Variants in SNX18 observed in about 807,000 individuals in gnomAD.
SNX18 encodes sorting nexin-18.
Under a neutral mutation model 48.7 loss-of-function variants are expected in SNX18, and 35 were observed. That is an observed-to-expected ratio of 0.72 (90% CI 0.55 to 0.95). The LOEUF is 0.95. Ranked by LOEUF, SNX18 falls within the 40% of genes least tolerant of loss-of-function variation. The pLI is 0.00. For missense variants in SNX18, 824 were observed against 871.0 expected, an observed-to-expected ratio of 0.95 and a Z score of 0.68; for synonymous variants, 492 against 384.7, an observed-to-expected ratio of 1.28 and a Z score of -3.26.
the SNX18 span, chr5:54,645,146 T>G: frequency 6.6e-6 from 1 of 152,248 alleles, no homozygotes; most frequent in Non-Finnish European, 1.5e-5. Flanking sequence ...TGAATTCTAT[T>G]TGCCGGTACT....
At chr5:54,521,519 G>A (rs1283555264) in intron 1 of SNX18, among the ~76,000 whole-genome samples, 2 of 152,054 alleles carry the variant, frequency 1.3e-5, no homozygotes, top group African/African-American at 4.8e-5. Context: ...GGGCAACATA[G>A]GGAGACTCCC....
chr5:54,546,789 C>T (rs1284324543), downstream of SNX18, among the ~76,000 whole-genome samples: 1 of 152,170 alleles, frequency 6.6e-6, no homozygotes, highest in African/African-American at 2.4e-5. Context: ...GTATCTGCTT[C>T]CATTAGTGAC....
intron 1 of SNX18, among the ~76,000 whole-genome samples, chr5:54,522,809 C>G (rs984498199): frequency 6.6e-6 from 1 of 152,186 alleles, no homozygotes; most frequent in African/African-American, 2.4e-5. Context: ...CCTGACTATA[C>G]TAAATACTGA....
chr5:54,611,724 T>C, the SNX18 span, among the ~76,000 whole-genome samples: 2 of 152,026 alleles, frequency 1.3e-5, no homozygotes, highest in Non-Finnish European at 2.9e-5. Flanking sequence ...CATAAGCCTT[T>C]ATCTGGTAAA....
At chr5:54,645,203 G>A in the SNX18 span, 1 of 152,166 alleles carries the variant, frequency 6.6e-6, no homozygotes, top group Non-Finnish European at 1.5e-5. Flanking sequence ...CAACTAAAAT[G>A]CCCTGAGTTA....
chr5:54,609,412 CT>C, the SNX18 span, among the ~76,000 whole-genome samples: 1 of 152,058 alleles, frequency 6.6e-6, no homozygotes, highest in Non-Finnish European at 1.5e-5. Flanking sequence ...CAAAACACAT[CT>C]TATCTCTCCT....
chr5:54,593,575 C>A, the SNX18 span, among the ~76,000 whole-genome samples: 11 of 152,112 alleles, frequency 7.2e-5, no homozygotes, highest in Non-Finnish European at 4.4e-5. Context: ...ATACAAAGAA[C>A]CTGGAAGAGC....
Position 54,534,201 on chromosome 5 carries a change from C to T in SNX18, c.1622-8978C>T, listed in dbSNP as rs113186143. ...ATCGAGTTAATGTTTTTGGCACATT[C>T]ATGATTTCAAAATTAAATAAGGTGC... On this transcript the variant is annotated intron_variant, in intron 1 of 1. Coordinates refer to ENST00000381410, the MANE Select transcript of SNX18 (RefSeq NM_001102575.2). Among the ~76,000 whole-genome samples, 17 of 151,210 alleles carry T rather than the reference C, an allele frequency of 1.1e-4. 1 individual carries two copies. Among genetic ancestry groups the T allele is most frequent in the African/African-American group, 3.9e-4 (16 of 41,276 alleles).
At chr5:54,574,741 A>G in the SNX18 span, among the ~76,000 whole-genome samples, 1 of 152,122 alleles carries the variant, frequency 6.6e-6, no homozygotes, top group African/African-American at 2.4e-5. Flanking sequence ...TTGGGCTGCC[A>G]TGTTTGGGGA....
chr5:54,540,355 A>G (rs1457371487), intron 1 of SNX18, among the ~76,000 whole-genome samples: 2 of 151,966 alleles, frequency 1.3e-5, no homozygotes, highest in African/African-American at 2.4e-5. Context: ...AGCTGAGACT[A>G]TAGAAATGCA....
At chr5:54,523,568 G>A (rs1391767806) in intron 1 of SNX18, among the ~76,000 whole-genome samples, 1 of 152,146 alleles carries the variant, frequency 6.6e-6, no homozygotes, top group Non-Finnish European at 1.5e-5. Context: ...GTCGATTTGG[G>A]CTGTGTGAAG....
chr5:54,547,400 T>C (rs1439332074), downstream of SNX18, among the ~76,000 whole-genome samples: 2 of 152,226 alleles, frequency 1.3e-5, no homozygotes, highest in Non-Finnish European at 2.9e-5. Context: ...GAGATTCAAA[T>C]TGGGATCTGG....
the SNX18 span, among the ~76,000 whole-genome samples, chr5:54,579,352 A>G: frequency 7.0e-4 from 103 of 146,194 alleles, no homozygotes; most frequent in South Asian, 6.6e-3. Context: ...AAAAAAAAAG[A>G]AAAAAAAGTA....
the SNX18 span, among the ~76,000 whole-genome samples, chr5:54,562,160 G>A: frequency 1.3e-5 from 2 of 152,108 alleles, no homozygotes; most frequent in African/African-American, 2.4e-5. Context: ...AGCTCTTTGC[G>A]GGCGGGCACA....
At chr5:54,592,061 G>A in the SNX18 span, among the ~76,000 whole-genome samples, 1 of 152,124 alleles carries the variant, frequency 6.6e-6, no homozygotes, top group Non-Finnish European at 1.5e-5. Flanking sequence ...TGGCTCTTAT[G>A]GTCTTTAACA....
At chr5:54,645,510 T>C in the SNX18 span, 1 of 152,240 alleles carries the variant, frequency 6.6e-6, no homozygotes, top group Non-Finnish European at 1.5e-5. Context: ...TTAAGAATTA[T>C]CTTGCTTCTT....
rs751209267 is a variant in SNX18 at position 54,518,936 on chromosome 5, G to C, written c.984G>C (p.Pro328=). The C allele has an allele frequency of 4.3e-6, 7 of 1,613,830 alleles. No homozygotes were observed. The highest frequency in any genetic ancestry group is 3.3e-5 in the Admixed American group (2 of 60,032). Residue 328 remains proline (P), a synonymous_variant, in exon 1 of 2, where the codon CCG becomes CCC. Transcript: ENST00000381410. ...ACGCGCGCCTGGCGGAGAAGTTCCCGGTCATCTCCGTGCCCCACCTGCCCG... is the reference window on the plus strand; with the variant it reads ...ACGCGCGCCTGGCGGAGAAGTTCCCCGTCATCTCCGTGCCCCACCTGCCCG... ...WLYARLAEKF[P]VISVPHLPEK... is the part of the protein sequence containing the mutation.
chr5:54,538,178 T>C (rs1054186298), intron 1 of SNX18, among the ~76,000 whole-genome samples: 9 of 152,230 alleles, frequency 5.9e-5, no homozygotes, highest in African/African-American at 2.2e-4. Flanking sequence ...ACCCAATCAT[T>C]TGTAACAAAA....
chr5:54,633,003 G>A, the SNX18 span, among the ~76,000 whole-genome samples: 1 of 151,988 alleles, frequency 6.6e-6, no homozygotes, highest in Admixed American at 6.6e-5. Context: ...TCGATCTCTT[G>A]ACCTCGTGAT....
Sources: allele counts gnomAD v4.1 joint callset (sites outside exome capture counted in the v4.1 genomes callset), GRCh38; gene constraint gnomAD v4.1.1; transcripts MANE v1.5; gene names NCBI Gene and HGNC (gene_info 2026-07-23, HGNC 2026-07-21).